Variants in KCNB2 observed in about 807,000 individuals in gnomAD.
The protein encoded by KCNB2 is delayed rectifier potassium channel protein.
Under a neutral mutation model 61.5 loss-of-function variants are expected in KCNB2, and 15 were observed. The observed-to-expected ratio is 0.24, with a 90% CI of 0.16 to 0.38. KCNB2 has a LOEUF of 0.38. Ranked by LOEUF, KCNB2 falls within the 10% of genes least tolerant of loss-of-function variation. KCNB2 has a pLI of 1.00. For synonymous variants in KCNB2, 457 were observed against 446.0 expected (o/e 1.02, Z -0.31); for missense variants, 828 against 1,125.2 (o/e 0.74, Z 3.78).
chr8:72,613,071 A>G (rs924218920), intron 2 of KCNB2, among the ~76,000 whole-genome samples: 5 of 152,202 alleles, frequency 3.3e-5, no homozygotes, highest in African/African-American at 1.2e-4. Flanking sequence ...CTAGATAACA[A>G]TGGCTCAAGA....
chr8:72,801,555 A>G (rs1258794288), intron 2 of KCNB2, among the ~76,000 whole-genome samples: 1 of 152,182 alleles, frequency 6.6e-6, no homozygotes, highest in Non-Finnish European at 1.5e-5. Context: ...AAATACATTT[A>G]TTGAGTGTGA....
At chr8:72,935,499 A>T (rs1806881366) in intron 2 of KCNB2, among the ~76,000 whole-genome samples, 1 of 152,170 alleles carries the variant, frequency 6.6e-6, no homozygotes, top group African/African-American at 2.4e-5. Context: ...CTGAGTTTAT[A>T]TTTTTAATTG....
At chr8:72,685,527 T>C (rs552968319) in intron 2 of KCNB2, among the ~76,000 whole-genome samples, 2 of 152,212 alleles carry the variant, frequency 1.3e-5, no homozygotes, top group South Asian at 2.1e-4. Context: ...TGATGGGTGC[T>C]CTGACACTGG....
intron 2 of KCNB2, among the ~76,000 whole-genome samples, chr8:72,683,772 A>C (rs988906015): frequency 6.6e-5 from 10 of 152,022 alleles, no homozygotes; most frequent in Admixed American, 6.5e-4. Flanking sequence ...TTTGTCTTAC[A>C]GTGTGAGATA....
intron 2 of KCNB2, among the ~76,000 whole-genome samples, chr8:72,620,510 C>T (rs2128984163): frequency 6.6e-6 from 1 of 152,336 alleles, no homozygotes; most frequent in Middle Eastern, 3.4e-3. Flanking sequence ...TGAATCTTGT[C>T]TGTGATAAAG....
At chr8:72,558,502 A>G (rs534357930) in intron 1 of KCNB2, among the ~76,000 whole-genome samples, 39 of 152,338 alleles carry the variant, frequency 2.6e-4, no homozygotes, top group African/African-American at 9.4e-4. Flanking sequence ...TAGGTGGAAA[A>G]TGCGGAAAAG....
At position 72,657,626 on chromosome 8, in the gene KCNB2, G is replaced by C. The variant is rs534115733; in HGVS notation, c.579+89313G>C. Reference sequence around the variant, plus strand: ...CTCCTAAGAAATACAATTCTATCCAGTTTCCACTGAGCAATTGTATACTCA... The same window carrying C: ...CTCCTAAGAAATACAATTCTATCCACTTTCCACTGAGCAATTGTATACTCA... On this transcript the variant is annotated intron_variant, in intron 2 of 2. Coordinates refer to ENST00000523207, the MANE Select transcript of KCNB2 (RefSeq NM_004770.3). 2.4e-4 allele frequency among the ~76,000 whole-genome samples: 37 copies of C among 152,226 alleles called. No individual in the cohort carries two copies. The South Asian group carries it at 5.8e-3, about 24-fold the overall frequency.
intron 2 of KCNB2, among the ~76,000 whole-genome samples, chr8:72,864,670 T>C (rs973397310): frequency 6.6e-6 from 1 of 152,180 alleles, no homozygotes; most frequent in South Asian, 2.1e-4. Context: ...AATAGAGATA[T>C]GGAAAGTAGC....
intron 2 of KCNB2, chr8:72,751,656 G>T (rs556256353): frequency 6.6e-6 from 1 of 152,266 alleles, no homozygotes; most frequent in South Asian, 2.1e-4. Flanking sequence ...TTTGACTTCA[G>T]AATTCCAAAT....
intron 2 of KCNB2, among the ~76,000 whole-genome samples, chr8:72,768,020 A>G (rs1433096428): frequency 6.6e-6 from 1 of 152,172 alleles, no homozygotes; most frequent in Non-Finnish European, 1.5e-5. Context: ...TTTCCTTTGG[A>G]GAAAAGTGTA....
At chr8:72,901,957 TGAG>T (rs1294649232) in intron 2 of KCNB2, among the ~76,000 whole-genome samples, 1 of 152,100 alleles carries the variant, frequency 6.6e-6, no homozygotes, top group Non-Finnish European at 1.5e-5. Flanking sequence ...GCTGATGTCT[TGAG>T]GAGAGCAGGG....
At chr8:72,907,381 C>T (rs544496822) in intron 2 of KCNB2, among the ~76,000 whole-genome samples, 1 of 151,776 alleles carries the variant, frequency 6.6e-6, no homozygotes, top group African/African-American at 2.4e-5. Context: ...AAAACAAAAA[C>T]AAAAAACCAC....
intron 2 of KCNB2, among the ~76,000 whole-genome samples, chr8:72,755,288 G>C (rs1213990378): frequency 6.6e-6 from 1 of 152,156 alleles, no homozygotes; most frequent in African/African-American, 2.4e-5. Flanking sequence ...ACAGAAAAAG[G>C]ACATTAGGTT....
chr8:72,842,586 C>T (rs1034852122), intron 2 of KCNB2, among the ~76,000 whole-genome samples: 11 of 152,218 alleles, frequency 7.2e-5, no homozygotes, highest in African/African-American at 2.6e-4. Flanking sequence ...GGTTGGTAGG[C>T]TATTAATTAA....
intron 2 of KCNB2, among the ~76,000 whole-genome samples, chr8:72,601,412 GA>G (rs747409738): frequency 1.9e-4 from 29 of 152,208 alleles, no homozygotes; most frequent in Admixed American, 9.2e-4. Flanking sequence ...AGAGAAAGGG[GA>G]GAATCATGAA....
intron 2 of KCNB2, among the ~76,000 whole-genome samples, chr8:72,655,195 A>G (rs1037108634): frequency 6.6e-6 from 1 of 152,176 alleles, no homozygotes; most frequent in Non-Finnish European, 1.5e-5. Flanking sequence ...TAACATAGAA[A>G]TGGAAAACCA....
At chr8:72,757,174 T>C in intron 2 of KCNB2, among the ~76,000 whole-genome samples, 1 of 151,884 alleles carries the variant, frequency 6.6e-6, no homozygotes, top group East Asian at 1.9e-4. Context: ...AAGAGAACCA[T>C]GAGAACTGTC....
At chr8:72,717,516 A>G (rs981199003) in intron 2 of KCNB2, among the ~76,000 whole-genome samples, 1 of 152,232 alleles carries the variant, frequency 6.6e-6, no homozygotes, top group South Asian at 2.1e-4. Flanking sequence ...CCGCAAATCT[A>G]CAAGTATTCG....
At position 72,537,331 on chromosome 8, in the gene KCNB2, G is replaced by T; in HGVS notation, c.-648G>T. On this transcript the variant is annotated 5_prime_UTR_variant, in exon 1 of 3. Transcript: ENST00000523207. ...GCAGCCTCTACCCTGCTCCGCCACA[G>T]ACACACACCCACCAAGCACCCACCG... 6.6e-6 allele frequency: 1 copy of T among 152,120 alleles called. No individual in the cohort carries two copies. The highest frequency in any genetic ancestry group is 1.8e-4 in the South Asian group (1 of 5,588). 9.4% of individuals were successfully genotyped at this position (152,120 alleles called of 1,614,324 possible). A position where few individuals can be genotyped will look rare whatever the true frequency, so the allele number is the denominator to read the frequency against.
Sources: gnomAD v4.1 joint callset for allele counts (sites outside exome capture counted in the v4.1 genomes callset) on GRCh38, gnomAD v4.1.1 for gene constraint, MANE v1.5 for transcripts, NCBI Gene and HGNC (gene_info 2026-07-23, HGNC 2026-07-21) for gene names.